The following UCKL1 variants were observed in gnomAD, a reference collection of about 807,000 sequenced individuals.
UCKL1 encodes the protein uridine-cytidine kinase 1 like 1.
In UCKL1, 65 loss-of-function variants were observed where a neutral mutation model predicts 59.2. That is an observed-to-expected ratio of 1.10 (90% CI 0.90 to 1.35). The LOEUF (loss-of-function observed/expected upper bound fraction) is 1.35. Ranked by LOEUF, UCKL1 falls within the 40% of genes most tolerant of loss-of-function variation. The pLI, the probability that UCKL1 is intolerant of heterozygous loss-of-function variation, is 0.00. For missense variants in UCKL1, 703 were observed against 784.3 expected (o/e 0.90, Z 1.24); for synonymous variants, 410 against 323.1 (o/e 1.27, Z -2.88).
chr20:63,943,255 G>T (rs1000157374), intron 8 of UCKL1, among the ~76,000 whole-genome samples: 1 of 152,232 alleles, frequency 6.6e-6, no homozygotes, highest in Non-Finnish European at 1.5e-5. Context: ...TGACTGGTCC[G>T]TGAGGCTGGG....
Position 63,940,461 on chromosome 20 carries a change from C to A in UCKL1, c.1327G>T (p.Asp443Tyr), listed in dbSNP as rs1349096700. Residue 443 changes from aspartate (D) to tyrosine (Y), a missense_variant, in exon 13 of 15, where the codon GAC (aspartate) becomes TAC (tyrosine). This residue lies in a region of UCKL1 where 124 missense variants were observed against 161.1 expected (regional missense o/e 0.77). Coordinates refer to ENST00000354216, the MANE Select transcript of UCKL1 (RefSeq NM_017859.4). Reference protein sequence around the residue: ...PELHYLRLPKDISDDHVILMD... With the variant: ...PELHYLRLPKYISDDHVILMD... ...AGGATCACGTGGTCATCGCTGATGT[C>A]CTTGGGCAGCCTCAGGTAGTGGAGC... 15 of 1,611,928 alleles carry A rather than the reference C, an allele frequency of 9.3e-6. No homozygotes were observed. Among genetic ancestry groups the A allele is most frequent in the African/African-American group, 1.3e-5 (1 of 74,932 alleles).
intron 2 of UCKL1, 58 bp downstream of exon 2, chr20:63,946,395 T>C: frequency 6.6e-7 from 1 of 1,515,450 alleles, no homozygotes; most frequent in Non-Finnish European, 8.9e-7. Flanking sequence ...CCACAGGCAC[T>C]GGAGGGGAGC....
rs1360761408 is a variant in UCKL1, at chr20:63,941,056, C to T, written c.1023-13G>A. The stretch of plus-strand genomic sequence containing the variant: ...GGTCTCCTTGTCCCTGTGGGGCCAA[C>T]AGTTGAGCGGGAGCACGCGCCCGGG... On this transcript the variant is annotated splice_polypyrimidine_tract_variant and intron_variant, in intron 9 of 14. Transcript: ENST00000354216. 8 of 1,594,368 alleles carry T rather than the reference C, an allele frequency of 5.0e-6. No homozygotes were observed. The highest frequency in any genetic ancestry group is 1.3e-5 in the African/African-American group (1 of 74,098).
At chr20:63,948,424 G>A (rs1377209813) in intron 1 of UCKL1, 1 of 151,574 alleles carries the variant, frequency 6.6e-6, no homozygotes, top group Non-Finnish European at 1.5e-5. Context: ...ACAGAACACA[G>A]GTGCGGACAG....
chr20:63,941,788 G>A (rs926575740), intron 8 of UCKL1, among the ~76,000 whole-genome samples: 11 of 152,114 alleles, frequency 7.2e-5, no homozygotes, highest in African/African-American at 2.7e-4. Flanking sequence ...AAAAGGGCGG[G>A]GTGGAGGCAA....
At chr20:63,941,708 C>T in intron 8 of UCKL1, 1 of 217,904 alleles carries the variant, frequency 4.6e-6, no homozygotes, top group South Asian at 5.9e-5. Flanking sequence ...TGTCTCTTGG[C>T]TGTCCCGTCC....
At chr20:63,956,193 C>T in intron 1 of UCKL1, 67 bp downstream of exon 1, 1 of 1,363,756 alleles carries the variant, frequency 7.3e-7, no homozygotes, top group Non-Finnish European at 9.6e-7. Flanking sequence ...GGACCACCCG[C>T]CCAGCTCGGC....
intron 1 of UCKL1, among the ~76,000 whole-genome samples, chr20:63,952,195 G>C (rs2057742994): frequency 6.6e-6 from 1 of 152,226 alleles, no homozygotes; most frequent in Non-Finnish European, 1.5e-5. Context: ...GCTGTCCTGA[G>C]CAGGGGCGCA....
rs1338867551 is a variant in UCKL1 at position 63,940,899 on chromosome 20, C to CG, written c.1117-44dup. ...AGGACTCCGGTGAGCGCAGGGAGCTCGCACCGGCTCCAAGACCCACCCTCC... is the reference window on the plus strand; with the variant it reads ...AGGACTCCGGTGAGCGCAGGGAGCTCGGCACCGGCTCCAAGACCCACCCTCC... On this transcript the variant is annotated intron_variant, in intron 10 of 14. Coordinates refer to ENST00000354216, the MANE Select transcript of UCKL1 (RefSeq NM_017859.4). 2.0e-6 allele frequency: 3 copies of CG among 1,521,926 alleles called. No homozygotes were observed. In the East Asian group the frequency reaches 6.8e-5, roughly 35 times the overall value. The allele number at this position is 1,521,926 out of a possible 1,614,324, so 94.3% of individuals were successfully genotyped here.
At chr20:63,956,231 A>C in intron 1 of UCKL1, 29 bp downstream of exon 1, 2 of 1,495,304 alleles carry the variant, frequency 1.3e-6, no homozygotes, top group Non-Finnish European at 1.8e-6. Flanking sequence ...CCCGCTCGCC[A>C]GTGGAGTGGA....
intron 7 of UCKL1, among the ~76,000 whole-genome samples, 153 bp from the exon 8 acceptor site, chr20:63,943,822 C>T (rs2055369388): frequency 6.6e-6 from 1 of 152,220 alleles, no homozygotes; most frequent in Non-Finnish European, 1.5e-5. Context: ...TGCCTGTAAC[C>T]TGGGGACCAC....
At position 63,940,941 on chromosome 20, in the gene UCKL1, G is replaced by A. The variant is rs774608216; in HGVS notation, c.1116+9C>T. 3.0e-5 allele frequency: 46 copies of A among 1,521,414 alleles called. No individual in the cohort carries two copies. Among genetic ancestry groups the A allele is most frequent in the Non-Finnish European group, 3.8e-5 (43 of 1,133,488 alleles). The allele number at this position is 1,521,414 out of a possible 1,614,324, so 94.2% of individuals were successfully genotyped here. On this transcript the variant is annotated intron_variant, in intron 10 of 14. Coordinates refer to ENST00000354216, the MANE Select transcript of UCKL1 (RefSeq NM_017859.4). The stretch of plus-strand genomic sequence containing the variant: ...CCACCCTCCACCTCGCGGGCTACGG[G>A]CTACGAACCTGAAAGGGCAGGAAGG...
intron 5 of UCKL1, among the ~76,000 whole-genome samples, chr20:63,944,980 G>A (rs990050461): frequency 3.3e-5 from 5 of 152,230 alleles, no homozygotes; most frequent in African/African-American, 1.2e-4. Context: ...GGGGTGTCTG[G>A]GGATGCGGTG....
intron 1 of UCKL1, among the ~76,000 whole-genome samples, chr20:63,950,537 G>A (rs1265149728): frequency 2.6e-5 from 4 of 152,186 alleles, no homozygotes; most frequent in South Asian, 2.1e-4. Context: ...ATTCCAACCC[G>A]GAGGGTTCCA....
chr20:63,946,275 CG>C lies in UCKL1; in HGVS notation c.305-9del, dbSNP rs1342541009. 6.3e-7 allele frequency: 1 copy of C among 1,578,476 alleles called. No individual in the cohort carries two copies. The highest frequency in any genetic ancestry group is 1.4e-5 in the African/African-American group (1 of 73,852). Reference sequence around the variant, plus strand: ...CACTGCCGCCTCCCAAGCCTGCCGGCGGGAGTGGAGACCCTCTGTGAGGAAC... The same window carrying C: ...CACTGCCGCCTCCCAAGCCTGCCGGCGGAGTGGAGACCCTCTGTGAGGAAC... On this transcript the variant is annotated splice_polypyrimidine_tract_variant and intron_variant, in intron 2 of 14. Transcript: ENST00000354216.
chr20:63,942,557 G>A (rs1371177719), intron 8 of UCKL1: 4 of 1,026,532 alleles, frequency 3.9e-6, no homozygotes, highest in South Asian at 1.6e-5. Flanking sequence ...ACAGAGAGAA[G>A]GAAGAGAACA....
intron 8 of UCKL1, chr20:63,941,716 T>C: frequency 4.8e-6 from 1 of 208,376 alleles, no homozygotes; most frequent in East Asian, 1.8e-4. Context: ...GGCTGTCCCG[T>C]CCCGCCCCGC....
chr20:63,950,450 G>A (rs1396276207), intron 1 of UCKL1, among the ~76,000 whole-genome samples: 1 of 152,138 alleles, frequency 6.6e-6, no homozygotes, highest in Non-Finnish European at 1.5e-5. Flanking sequence ...AAAAACAGAG[G>A]AGAAAGTTGC....
Position 63,940,695 on chromosome 20 carries a change from G to C in UCKL1, c.1201C>G (p.Arg401Gly), listed in dbSNP as rs752020993. The change falls in exon 12 of 15, where the codon CGC (arginine) becomes GGC (glycine). Residue 401 changes from arginine (R) to glycine (G), a missense_variant. Transcript: ENST00000354216. ...GKQITGVSILRAGETMEPALR... is the reference protein window; with the variant it reads ...GKQITGVSILGAGETMEPALR... ...GCGGGCTCCATGGTTTCACCGGCGCGCAGAATGGACACACCGGTGATCTGC... is the reference window on the plus strand; with the variant it reads ...GCGGGCTCCATGGTTTCACCGGCGCCCAGAATGGACACACCGGTGATCTGC... 6.2e-7 allele frequency: 1 copy of C among 1,608,016 alleles called. No homozygotes were observed. Among genetic ancestry groups the C allele is most frequent in the Non-Finnish European group, 8.5e-7 (1 of 1,178,406 alleles).
Sources: gnomAD v4.1 joint callset for allele counts (sites outside exome capture counted in the v4.1 genomes callset) on GRCh38, gnomAD v4.1.1 for gene constraint, gnomAD v4.1.1 regional missense constraint, MANE v1.5 for transcripts, NCBI Gene and HGNC (gene_info 2026-07-23, HGNC 2026-07-21) for gene names.